The following PIERCE1 variants were observed in gnomAD, a reference collection of about 807,000 sequenced individuals.
PIERCE1 encodes the protein piercer of microtubule wall 1 protein.
chr9:135,496,891 G>A, the PIERCE1 span, among the ~76,000 whole-genome samples: 1 of 150,146 alleles, frequency 6.7e-6, no homozygotes, highest in African/African-American at 2.5e-5. Context: ...TTCGCCTCTG[G>A]GTTCAAGCAA....
chr9:135,495,728 G>A, the PIERCE1 span: 128 of 1,016,530 alleles, frequency 1.3e-4, 1 homozygote, highest in African/African-American at 1.7e-3. Context: ...AAGCCAGAGT[G>A]GGTAGGATGG....
At chr9:135,498,601 G>T in the PIERCE1 span, 1 of 1,613,858 alleles carries the variant, frequency 6.2e-7, no homozygotes, top group Non-Finnish European at 8.5e-7. This position sits in a 1 kb window ranked among gnomAD's most constrained non-coding sequence, Gnocchi z 4.1. Flanking sequence ...CTCGTGCACG[G>T]TGGGGGCTCT....
the PIERCE1 span, chr9:135,498,724 CTTGTA>C: frequency 6.6e-7 from 1 of 1,504,512 alleles, no homozygotes. This position sits in a 1 kb window ranked among gnomAD's most constrained non-coding sequence, Gnocchi z 4.1. Context: ...AAGCCACAGC[CTTGTA>C]TTTGGTTGAC....
the PIERCE1 span, among the ~76,000 whole-genome samples, chr9:135,498,058 G>A: frequency 6.6e-6 from 1 of 152,092 alleles, no homozygotes. This position sits in a 1 kb window ranked among gnomAD's most constrained non-coding sequence, Gnocchi z 4.1. Context: ...CCATCCTGGA[G>A]CCTAAGGTCA....
the PIERCE1 span, chr9:135,498,763 A>C: frequency 1.8e-6 from 2 of 1,116,120 alleles, no homozygotes; most frequent in Admixed American, 3.6e-5. The surrounding 1 kb of genome is among the most constrained non-coding windows in gnomAD (Gnocchi z 4.1). Flanking sequence ...AAATGCCCCC[A>C]TGGAAAGAGC....
chr9:135,496,001 T>G, the PIERCE1 span, among the ~76,000 whole-genome samples: 2 of 152,212 alleles, frequency 1.3e-5, no homozygotes, highest in African/African-American at 2.4e-5. Flanking sequence ...ATAGAAATGA[T>G]ATCCATGTCA....
At chr9:135,497,776 C>T in the PIERCE1 span, among the ~76,000 whole-genome samples, 67,526 of 151,950 alleles carry the variant, frequency 0.44, 15,530 homozygotes, top group East Asian at 0.84. Flanking sequence ...AACTCAGGGT[C>T]GTCTGATTAC....
At chr9:135,498,857 C>A in the PIERCE1 span, 11 of 594,156 alleles carry the variant, frequency 1.9e-5, no homozygotes, top group East Asian at 3.2e-4. This position sits in a 1 kb window ranked among gnomAD's most constrained non-coding sequence, Gnocchi z 4.1. Flanking sequence ...CCCGGCCTCC[C>A]CGGCCCCCTC....
the PIERCE1 span, chr9:135,499,529 G>T: frequency 1.2e-6 from 1 of 858,160 alleles, no homozygotes; most frequent in Non-Finnish European, 1.9e-6. Flanking sequence ...CCACTTCCTT[G>T]TATGAGGCTC....
the PIERCE1 span, chr9:135,498,948 T>C: frequency 1.7e-5 from 7 of 418,150 alleles, no homozygotes; most frequent in Non-Finnish European, 3.0e-5. The surrounding 1 kb of genome is among the most constrained non-coding windows in gnomAD (Gnocchi z 4.1). Context: ...TCCCCAGCCC[T>C]GGCAGGGCCT....
the PIERCE1 span, chr9:135,495,369 T>C: frequency 2.7e-6 from 4 of 1,474,384 alleles, no homozygotes; most frequent in East Asian, 9.2e-5. Context: ...TGATGAGGGA[T>C]GATGATTTTC....
chr9:135,498,488 C>T, the PIERCE1 span: 3,244 of 990,346 alleles, frequency 3.3e-3, 68 homozygotes, highest in African/African-American at 0.046. This position sits in a 1 kb window ranked among gnomAD's most constrained non-coding sequence, Gnocchi z 4.1. Context: ...CACCCCTCCC[C>T]GTCTCATTGT....
chr9:135,495,548 T>C, the PIERCE1 span: 1 of 1,614,174 alleles, frequency 6.2e-7, no homozygotes, highest in African/African-American at 1.3e-5. Context: ...ATTGAGAGTA[T>C]TGTTCCGGAA....
chr9:135,495,745 T>A, the PIERCE1 span: 4 of 812,302 alleles, frequency 4.9e-6, no homozygotes, highest in South Asian at 5.4e-5. Flanking sequence ...ATGGCCTGGC[T>A]CACCCCAGAC....
the PIERCE1 span, chr9:135,499,723 C>A: frequency 6.2e-7 from 1 of 1,608,230 alleles, no homozygotes; most frequent in Non-Finnish European, 8.5e-7. Flanking sequence ...AGCCCCGGAA[C>A]CACCCCGGGT....
chr9:135,498,461 G>T, the PIERCE1 span: 1 of 737,804 alleles, frequency 1.4e-6, no homozygotes, highest in Non-Finnish European at 2.2e-6. The surrounding 1 kb of genome is among the most constrained non-coding windows in gnomAD (Gnocchi z 4.1). Flanking sequence ...CTGGAACTTT[G>T]GCCTCCTCCC....
At chr9:135,495,185 G>A in the PIERCE1 span, 1 of 467,074 alleles carries the variant, frequency 2.1e-6, no homozygotes, top group Non-Finnish European at 3.8e-6. Flanking sequence ...GGAAGCTCAG[G>A]ATGTGACAAC....
the PIERCE1 span, chr9:135,495,642 AATGACGTAT>A: frequency 6.5e-7 from 1 of 1,539,864 alleles, no homozygotes; most frequent in Non-Finnish European, 8.9e-7. Context: ...AACACGGATT[AATGACGTAT>A]AATACTCTTG....
At chr9:135,499,491 A>AC in the PIERCE1 span, 1 of 730,128 alleles carries the variant, frequency 1.4e-6, no homozygotes. Context: ...TTCTCCCCCC[A>AC]CGGCCCTGCC....
Sources: allele counts gnomAD v4.1 joint callset (sites outside exome capture counted in the v4.1 genomes callset), GRCh38; gene constraint gnomAD v4.1.1; non-coding constraint Gnocchi (gnomAD v3.1); transcripts MANE v1.5; gene names NCBI Gene and HGNC (gene_info 2026-07-23, HGNC 2026-07-21).